The following MYO5B variants were observed in gnomAD, a reference collection of about 807,000 sequenced individuals.
MYO5B encodes myosin VB, also known as unconventional myosin-Vb.
In MYO5B, 143 loss-of-function variants were observed where a neutral mutation model predicts 229.3. The ratio of observed to expected loss-of-function variants is 0.62; its 90% CI spans 0.54 to 0.72. MYO5B has a LOEUF of 0.72. Among genes scored for constraint, MYO5B ranks in the 30% least tolerant of loss-of-function variants. The pLI is 0.00. For missense variants in MYO5B, 2,321 were observed against 2,331.0 expected, an observed-to-expected ratio of 1.00 and a Z score of 0.09; for synonymous variants, 918 against 885.2, an observed-to-expected ratio of 1.04 and a Z score of -0.66.
At chr18:50,068,044 T>C (rs200827009) in intron 1 of MYO5B, among the ~76,000 whole-genome samples, 37 of 147,984 alleles carry the variant, frequency 2.5e-4, no homozygotes, top group South Asian at 2.1e-3. Context: ...TACACACATA[T>C]ACACACACAC....
rs368844372 is a variant in MYO5B at position 50,001,425 on chromosome 18, A to T, written c.456-14T>A. On this transcript the variant is annotated splice_polypyrimidine_tract_variant and intron_variant, in intron 4 of 39. Transcript: ENST00000285039. Reference sequence around the variant, plus strand: ...TTCTTCTCATCTCTGGAAGGAAAAAAGCTCTGATAAGTCATTGGCCATGGA... The same window carrying T: ...TTCTTCTCATCTCTGGAAGGAAAAATGCTCTGATAAGTCATTGGCCATGGA... 4 of 1,613,954 alleles carry T rather than the reference A, an allele frequency of 2.5e-6. No homozygotes were observed. Among genetic ancestry groups the T allele is most frequent in the South Asian group, 2.2e-5 (2 of 91,076 alleles).
chr18:49,882,649 G>T (rs928406969), intron 22 of MYO5B, among the ~76,000 whole-genome samples: 1 of 113,882 alleles, frequency 8.8e-6, no homozygotes, highest in Non-Finnish European at 2.0e-5. Context: ...AAAGAAAGAG[G>T]AAACCCACTT....
intron 1 of MYO5B, among the ~76,000 whole-genome samples, chr18:50,180,246 T>A (rs777823631): frequency 6.6e-6 from 1 of 152,190 alleles, no homozygotes; most frequent in Non-Finnish European, 1.5e-5. Flanking sequence ...CCCACCACAC[T>A]GCCCCGCACT....
chr18:50,137,099 C>T (rs16951581), intron 1 of MYO5B, among the ~76,000 whole-genome samples: 1,480 of 144,016 alleles, frequency 0.01, 16 homozygotes, highest in African/African-American at 0.036. Context: ...TTGAAATGAG[C>T]TAATTCAAGT....
chr18:50,113,774 TTG>T (rs553478329), intron 1 of MYO5B, among the ~76,000 whole-genome samples: 315 of 152,322 alleles, frequency 2.1e-3, no homozygotes, highest in African/African-American at 6.3e-3. Context: ...CTGGCTTTGA[TTG>T]TTATGCTCAC....
At chr18:49,849,764 AGCCGTCAGAAATGC>A in intron 31 of MYO5B, 104 bp from the exon 32 acceptor site, 1 of 859,394 alleles carries the variant, frequency 1.2e-6, no homozygotes. Context: ...GCCCATGGGC[AGCCGTCAGAAATGC>A]GCCAGTCAGG....
chr18:49,968,891 CAG>C (rs1336787703), intron 10 of MYO5B, among the ~76,000 whole-genome samples: 2 of 152,140 alleles, frequency 1.3e-5, no homozygotes, highest in African/African-American at 2.4e-5. Context: ...CTGGCATGGA[CAG>C]AGAGAACATG....
chr18:49,860,498 C>T (rs1052951193), intron 29 of MYO5B, among the ~76,000 whole-genome samples: 5 of 152,174 alleles, frequency 3.3e-5, no homozygotes, highest in African/African-American at 9.7e-5. Context: ...AAGTGCCACC[C>T]GCATTCCTGC....
intron 1 of MYO5B, among the ~76,000 whole-genome samples, chr18:50,123,736 A>G (rs916282464): frequency 6.6e-6 from 1 of 152,148 alleles, no homozygotes; most frequent in African/African-American, 2.4e-5. Context: ...ATAAGATGAT[A>G]AAAGGTTTTC....
intron 1 of MYO5B, among the ~76,000 whole-genome samples, chr18:50,108,796 A>G (rs1274397030): frequency 6.6e-6 from 1 of 152,248 alleles, no homozygotes; most frequent in Non-Finnish European, 1.5e-5. Context: ...AGGTATGTAG[A>G]TAAAAACTGA....
chr18:50,124,746 T>C (rs1378638843), intron 1 of MYO5B, among the ~76,000 whole-genome samples: 2 of 151,906 alleles, frequency 1.3e-5, no homozygotes, highest in Non-Finnish European at 2.9e-5. Context: ...TGCTTGCAAT[T>C]GACACATCTC....
chr18:50,112,286 C>T (rs964446041), intron 1 of MYO5B, among the ~76,000 whole-genome samples: 1 of 152,188 alleles, frequency 6.6e-6, no homozygotes, highest in South Asian at 2.1e-4. Context: ...AGCGAACCAA[C>T]AAAGCAACTG....
chr18:49,951,126 G>A (rs2025426481), intron 14 of MYO5B, among the ~76,000 whole-genome samples: 1 of 152,118 alleles, frequency 6.6e-6, no homozygotes, highest in South Asian at 2.1e-4. Context: ...TTGCTTCTAG[G>A]GGGAATTACG....
At chr18:50,127,432 C>T (rs955538975) in intron 1 of MYO5B, among the ~76,000 whole-genome samples, 2 of 152,154 alleles carry the variant, frequency 1.3e-5, no homozygotes, top group Non-Finnish European at 2.9e-5. Context: ...AGATGCAGTG[C>T]TCTACATTAC....
chr18:49,956,281 T>C (rs2025491673), intron 12 of MYO5B, among the ~76,000 whole-genome samples: 1 of 152,338 alleles, frequency 6.6e-6, no homozygotes, highest in East Asian at 1.9e-4. Context: ...CATTTAACCC[T>C]CATACAATCA....
chr18:49,984,739 G>C lies in MYO5B; in HGVS notation c.925C>G (p.Arg309Gly), dbSNP rs368787390. 6.2e-7 allele frequency: 1 copy of C among 1,612,526 alleles called. No individual in the cohort carries two copies. The highest frequency in any genetic ancestry group is 8.5e-7 in the Non-Finnish European group (1 of 1,178,664). Residue 309 changes from arginine to glycine, a missense_variant, in exon 8 of 40, where the codon CGA (arginine) becomes GGA (glycine). By Grantham distance (125) the Arg-to-Gly change is moderately radical (BLOSUM62 -2). Around this residue, in one of 2 missense-constraint regions of MYO5B, gnomAD observed 2,113 missense variants for 2,044.7 expected, o/e 1.03. Coordinates refer to ENST00000285039, the MANE Select transcript of MYO5B (RefSeq NM_001080467.3). ...TTACCGAGGAGTGTGAAGGCTTGTC[G>C]AGTCTTCTCAAAGTCCTCAGCATCG... The part of the protein sequence containing the change: ...VDDAEDFEKT[R>G]QAFTLLGVKE...
chr18:50,131,177 A>G lies in MYO5B; in HGVS notation c.27+63590T>C, dbSNP rs569227664. ...CTAGCTAATATTAGTCATTAATTGC[A>G]TGGAATCATAGAATAGAATGCATAG... On this transcript the variant is annotated intron_variant, in intron 1 of 39. Coordinates refer to ENST00000285039, the MANE Select transcript of MYO5B (RefSeq NM_001080467.3). Among the ~76,000 whole-genome samples the G allele has an allele frequency of 4.1e-4, 63 of 152,360 alleles. No homozygotes were observed. In the South Asian group the frequency reaches 0.011, roughly 26 times the overall value.
At chr18:49,901,452 T>C (rs2024840703) in intron 21 of MYO5B, among the ~76,000 whole-genome samples, 2 of 152,238 alleles carry the variant, frequency 1.3e-5, no homozygotes, top group Admixed American at 6.5e-5. Flanking sequence ...TTGTTACCCC[T>C]TTGATTGGCT....
intron 7 of MYO5B, among the ~76,000 whole-genome samples, chr18:49,986,755 G>T (rs2025874647): frequency 6.6e-6 from 1 of 152,042 alleles, no homozygotes; most frequent in South Asian, 2.1e-4. Context: ...TATCTCATTT[G>T]ATTATTTTTA....
Sources: allele counts gnomAD v4.1 joint callset (sites outside exome capture counted in the v4.1 genomes callset), GRCh38; gene constraint gnomAD v4.1.1; regional missense constraint gnomAD v4.1.1; transcripts MANE v1.5; gene names NCBI Gene and HGNC (gene_info 2026-07-23, HGNC 2026-07-21).